ZNF704: variants seen among roughly 807,000 people sequenced by gnomAD.
ZNF704 encodes glucocorticoid induced gene 1.
ZNF704 carries 10 observed loss-of-function variants against 44.7 expected under a neutral mutation model. The ratio of observed to expected loss-of-function variants is 0.22; its 90% CI spans 0.14 to 0.38. The LOEUF is 0.38. Ranked by LOEUF, ZNF704 falls within the 10% of genes least tolerant of loss-of-function variation. The probability of loss-of-function intolerance (pLI) is 1.00; values close to 1 mark genes in which losing one functional copy is unlikely to be tolerated. For synonymous variants in ZNF704, 211 were observed against 207.6 expected, an observed-to-expected ratio of 1.02 and a Z score of -0.14; for missense variants, 390 against 545.5, an observed-to-expected ratio of 0.71 and a Z score of 2.84.
intron 4 of ZNF704, among the ~76,000 whole-genome samples, chr8:80,686,942 T>C (rs1818547420): frequency 1.3e-5 from 2 of 152,216 alleles, no homozygotes; most frequent in Non-Finnish European, 2.9e-5. Context: ...TCCAATTTTC[T>C]AACTTACAAA....
At chr8:80,857,059 C>A (rs111961892) in intron 1 of ZNF704, among the ~76,000 whole-genome samples, 1 of 152,038 alleles carries the variant, frequency 6.6e-6, no homozygotes, top group Non-Finnish European at 1.5e-5. Context: ...CTTTTTTGTA[C>A]ATTTTTCATT....
chr8:80,782,326 A>G (rs1241482329), intron 2 of ZNF704, among the ~76,000 whole-genome samples: 1 of 152,242 alleles, frequency 6.6e-6, no homozygotes, highest in Non-Finnish European at 1.5e-5. Context: ...TTACATTTAA[A>G]GAGATTCAAT....
intron 2 of ZNF704, among the ~76,000 whole-genome samples, chr8:80,795,373 A>C (rs189296506): frequency 6.6e-6 from 1 of 152,220 alleles, no homozygotes; most frequent in Non-Finnish European, 1.5e-5. Context: ...ACTAATTAAG[A>C]TACTTAGACT....
chr8:80,668,774 T>G lies in ZNF704; in HGVS notation c.659+1729A>C, dbSNP rs548241984. 2.5e-3 allele frequency among the ~76,000 whole-genome samples: 375 copies of G among 152,264 alleles called. 4 individuals are homozygous for G. The highest frequency in any genetic ancestry group is 8.7e-3 in the African/African-American group (362 of 41,538). Reference sequence around the variant, plus strand: ...TTGACACGTTTCCCTCCTCATCCCCTCACCAGCTAATACTCATTAAAAATG... The same window carrying G: ...TTGACACGTTTCCCTCCTCATCCCCGCACCAGCTAATACTCATTAAAAATG... On this transcript the variant is annotated intron_variant, in intron 5 of 8. Transcript: ENST00000327835.
intron 6 of ZNF704, among the ~76,000 whole-genome samples, chr8:80,660,700 C>T (rs959036844): frequency 7.2e-5 from 11 of 152,106 alleles, no homozygotes; most frequent in African/African-American, 2.4e-4. Flanking sequence ...AGGACATCCT[C>T]TTCAATAAAT....
At chr8:80,654,895 T>C (rs545727313) in intron 7 of ZNF704, among the ~76,000 whole-genome samples, 2 of 152,212 alleles carry the variant, frequency 1.3e-5, no homozygotes, top group Non-Finnish European at 2.9e-5. Flanking sequence ...TGCACACGTA[T>C]GTTTATTTGG....
intron 1 of ZNF704, among the ~76,000 whole-genome samples, chr8:80,851,209 T>C (rs1215731996): frequency 6.6e-6 from 1 of 152,138 alleles, no homozygotes; most frequent in Non-Finnish European, 1.5e-5. Context: ...GACCCAGCCA[T>C]CCCATTACTG....
At chr8:80,863,506 G>A (rs1251090710) in intron 1 of ZNF704, among the ~76,000 whole-genome samples, 2 of 151,966 alleles carry the variant, frequency 1.3e-5, no homozygotes, top group African/African-American at 2.4e-5. Flanking sequence ...CTGTCATTTG[G>A]TATAAAATTC....
Position 80,687,340 on chromosome 8 carries a change from C to G in ZNF704, c.444G>C (p.Pro148=). 6.2e-7 allele frequency: 1 copy of G among 1,610,024 alleles called. No individual in the cohort carries two copies. Among genetic ancestry groups the G allele is most frequent in the Non-Finnish European group, 8.5e-7 (1 of 1,179,678 alleles). Residue 148 remains proline, a synonymous_variant, in exon 4 of 9, where the codon CCG becomes CCC. Transcript: ENST00000327835. ...DQSNPSTPSP[P]LSADSFKPFR... ...AGGGCTTGAAGCTGTCAGCCGAGAG[C>G]GGCGGCGACGGCGTGGACGGGTTGG...
intron 2 of ZNF704, among the ~76,000 whole-genome samples, chr8:80,715,834 C>T (rs376012162): frequency 5.3e-5 from 8 of 152,166 alleles, no homozygotes; most frequent in Middle Eastern, 3.4e-3. Context: ...AATCCTAGCA[C>T]TTTGGAAGGC....
chr8:80,832,658 T>TA (rs1288856635), intron 1 of ZNF704, among the ~76,000 whole-genome samples: 2 of 151,600 alleles, frequency 1.3e-5, no homozygotes. Context: ...TTCTGGATAG[T>TA]AAAAAAGTAG....
rs1043759542 is a variant in ZNF704 at position 80,634,035 on chromosome 8, T to A, written c.*7331A>T. On this transcript the variant is annotated 3_prime_UTR_variant, in exon 9 of 9. Coordinates refer to ENST00000327835, the MANE Select transcript of ZNF704 (RefSeq NM_001033723.3). ...GTGAAGCAGTGGTAATTTTACTTGG[T>A]AACGAAGACTCATGAGGCCGGATGG... 1 of 152,206 alleles carries A rather than the reference T, an allele frequency of 6.6e-6. No individual in the cohort carries two copies. Among genetic ancestry groups the A allele is most frequent in the African/African-American group, 2.4e-5 (1 of 41,414 alleles). The allele number at this position is 152,206 out of a possible 1,614,324, so 9.4% of individuals were successfully genotyped here.
At chr8:80,787,194 A>C (rs1002544898) in intron 2 of ZNF704, among the ~76,000 whole-genome samples, 2 of 152,258 alleles carry the variant, frequency 1.3e-5, no homozygotes, top group Non-Finnish European at 2.9e-5. Context: ...CTGGGATACC[A>C]TCCAAGGAAA....
intron 2 of ZNF704, among the ~76,000 whole-genome samples, chr8:80,695,257 C>T (rs551718440): frequency 1.3e-5 from 2 of 152,218 alleles, no homozygotes; most frequent in African/African-American, 4.8e-5. Flanking sequence ...TACCTTGGGG[C>T]TCCTCCAACT....
At chr8:80,842,569 G>A (rs1223274679) in intron 1 of ZNF704, among the ~76,000 whole-genome samples, 1 of 152,186 alleles carries the variant, frequency 6.6e-6, no homozygotes, top group Non-Finnish European at 1.5e-5. Flanking sequence ...AGCAGTGAGA[G>A]ACAGGTAAGG....
chr8:80,681,995 T>C (rs74852248), intron 4 of ZNF704, among the ~76,000 whole-genome samples: 4,831 of 152,302 alleles, frequency 0.032, 253 homozygotes, highest in African/African-American at 0.11. Flanking sequence ...GTATGTACCA[T>C]CACCATGAAA....
intron 1 of ZNF704, among the ~76,000 whole-genome samples, chr8:80,859,958 A>G (rs1809031100): frequency 6.6e-6 from 1 of 152,202 alleles, no homozygotes. Context: ...TTCACACAAG[A>G]GTCATCCTTC....
At chr8:80,697,319 G>A (rs1452040153) in intron 2 of ZNF704, among the ~76,000 whole-genome samples, 3 of 152,180 alleles carry the variant, frequency 2.0e-5, no homozygotes, top group Admixed American at 6.5e-5. Flanking sequence ...TTTAAGAAAT[G>A]AGTGAAAATG....
intron 2 of ZNF704, among the ~76,000 whole-genome samples, chr8:80,744,587 A>C (rs964927844): frequency 2.6e-5 from 4 of 152,200 alleles, no homozygotes; most frequent in Non-Finnish European, 5.9e-5. Context: ...TAAGTTTGTC[A>C]TAATCTAATC....
Sources: allele counts gnomAD v4.1 joint callset (sites outside exome capture counted in the v4.1 genomes callset), GRCh38; gene constraint gnomAD v4.1.1; transcripts MANE v1.5; gene names NCBI Gene and HGNC (gene_info 2026-07-23, HGNC 2026-07-21).